The following LBP variants were observed in gnomAD, a reference collection of about 807,000 sequenced individuals.
LBP encodes lipopolysaccharide binding protein.
Under a neutral mutation model 56.6 loss-of-function variants are expected in LBP, and 53 were observed. That is an observed-to-expected ratio of 0.94 (90% confidence interval 0.75 to 1.18). The LOEUF is 1.18. Among genes scored for constraint, LBP ranks in the 50% most tolerant of loss-of-function variants. The pLI is 0.00. For missense variants in LBP, 601 were observed against 598.3 expected, an observed-to-expected ratio of 1.00 and a Z score of -0.05; for synonymous variants, 227 against 247.5, an observed-to-expected ratio of 0.92 and a Z score of 0.78.
rs183211709 is a variant in LBP at position 38,347,874 on chromosome 20, T to G, written c.124+1234T>G. Among the ~76,000 whole-genome samples the G allele has an allele frequency of 5.3e-5, 8 of 152,278 alleles. No individual in the cohort carries two copies. In the East Asian group the frequency reaches 1.5e-3, roughly 29 times the overall value. Reference sequence around the variant, plus strand: ...CTGACCACATGTCTTCTCACATCCCTAGAGCCTCAATTGCCTTACCTATTA... The same window carrying G: ...CTGACCACATGTCTTCTCACATCCCGAGAGCCTCAATTGCCTTACCTATTA... On this transcript the variant is annotated intron_variant, in intron 1 of 14. Transcript: ENST00000217407.
chr20:38,357,790 C>T (rs886832370), intron 5 of LBP, among the ~76,000 whole-genome samples: 2 of 152,092 alleles, frequency 1.3e-5, no homozygotes, highest in African/African-American at 2.4e-5. Flanking sequence ...TGGAAAGGGG[C>T]GAGGACTTCC....
chr20:38,349,409 G>T, intron 1 of LBP, 139 bp from the exon 2 acceptor site: 1 of 678,070 alleles, frequency 1.5e-6, no homozygotes, highest in Non-Finnish European at 2.6e-6. Flanking sequence ...ACACAGAGGG[G>T]CTCATATCCT....
At position 38,350,859 on chromosome 20, in the gene LBP, C is replaced by T. The variant is rs1453003857; in HGVS notation, c.288C>T (p.Val96=). The T allele has an allele frequency of 6.2e-7, 1 of 1,613,868 alleles. No individual in the cohort carries two copies. The highest frequency in any genetic ancestry group is 1.6e-4 in the Middle Eastern group (1 of 6,080). ...CELLHSALRP[V]PGQGLSLSIS... is the part of the protein sequence containing the mutation. ...TGCTTCACTCTGCGCTGAGGCCTGT[C>T]CCTGGCCAGGGCCTGAGTCTCAGCA... The change falls in exon 3 of 15, where the codon GTC becomes GTT. Residue 96 remains valine (V), a synonymous_variant. Coordinates refer to ENST00000217407, the MANE Select transcript of LBP (RefSeq NM_004139.5).
In LBP at chr20:38,372,421, G is replaced by A. The variant is rs192351824; in HGVS notation, c.1261-651G>A. On this transcript the variant is annotated intron_variant, in intron 12 of 14. Transcript: ENST00000217407. ...TGGTGCACTCATATTGTATCTGTGC[G>A]TGTTTACTGCAAAGTAAAACATTCA... Among the ~76,000 whole-genome samples the A allele has an allele frequency of 1.1e-3, 171 of 152,298 alleles. 1 individual carries two copies. Among genetic ancestry groups the A allele is most frequent in the African/African-American group, 3.9e-3 (162 of 41,546 alleles).
At chr20:38,356,299 CT>C (rs2076839529) in intron 5 of LBP, among the ~76,000 whole-genome samples, 1 of 138,594 alleles carries the variant, frequency 7.2e-6, no homozygotes, top group Non-Finnish European at 1.6e-5. Flanking sequence ...CACACACACC[CT>C]ACACACACAA....
chr20:38,353,490 T>C (rs900199439), intron 3 of LBP, among the ~76,000 whole-genome samples: 15 of 144,100 alleles, frequency 1.0e-4, no homozygotes, highest in Middle Eastern at 3.5e-3. Flanking sequence ...TTTTTTTTTT[T>C]TTTTTTTTTT....
chr20:38,350,610 C>T (rs1232012737), intron 2 of LBP, among the ~76,000 whole-genome samples: 1 of 152,212 alleles, frequency 6.6e-6, no homozygotes, highest in Non-Finnish European at 1.5e-5. Context: ...CACTGCTGAC[C>T]CCTTCAGTGT....
At chr20:38,359,788 C>T (rs1235550259) in intron 5 of LBP, among the ~76,000 whole-genome samples, 1 of 152,128 alleles carries the variant, frequency 6.6e-6, no homozygotes, top group Non-Finnish European at 1.5e-5. Flanking sequence ...GTGGCAAGTA[C>T]AGCCAACAAG....
Position 38,374,594 on chromosome 20 carries a change from C to CA in LBP, c.1401+595dup, listed in dbSNP as rs562385988. On this transcript the variant is annotated intron_variant, in intron 14 of 14. Coordinates refer to ENST00000217407, the MANE Select transcript of LBP (RefSeq NM_004139.5). ...CCTGGGCAACAGAGCAACACTCCGT[C>CA]AAAAAAAAAAAAAAGAAAGAAAAAA... is the stretch of plus-strand genomic sequence containing the variant. 6.8e-3 allele frequency among the ~76,000 whole-genome samples: 582 copies of CA among 86,148 alleles called. 4 individuals are homozygous for CA. Among genetic ancestry groups the CA allele is most frequent in the African/African-American group, 0.019 (434 of 22,802 alleles). The allele number at this position is 86,148 out of a possible 152,430, so 56.5% of individuals were successfully genotyped here. A position where few individuals can be genotyped will look rare whatever the true frequency, so the allele number is the denominator to read the frequency against.
chr20:38,373,855 G>C, intron 13 of LBP, 82 bp from the exon 14 acceptor site: 1 of 1,194,928 alleles, frequency 8.4e-7, no homozygotes, highest in Non-Finnish European at 1.2e-6. Flanking sequence ...TATAGAGTTT[G>C]CAGAGAACAT....
At chr20:38,375,802 G>C (rs1802479296) in intron 14 of LBP, among the ~76,000 whole-genome samples, 1 of 152,100 alleles carries the variant, frequency 6.6e-6, no homozygotes, top group Admixed American at 6.5e-5. Context: ...CGCTGTGCCT[G>C]GTACATTGTT....
At chr20:38,368,672 GA>G (rs1160083407) in intron 9 of LBP, among the ~76,000 whole-genome samples, 1 of 152,174 alleles carries the variant, frequency 6.6e-6, no homozygotes, top group African/African-American at 2.4e-5. Flanking sequence ...ATGTTTTCCT[GA>G]AAAGAATAGC....
chr20:38,362,634 A>G (rs747776015), intron 6 of LBP, among the ~76,000 whole-genome samples: 9 of 151,200 alleles, frequency 6.0e-5, no homozygotes, highest in Non-Finnish European at 1.2e-4. Context: ...AAAATAATAA[A>G]TAATAAATAA....
At chr20:38,348,725 T>G (rs1464639687) in intron 1 of LBP, among the ~76,000 whole-genome samples, 2 of 150,898 alleles carry the variant, frequency 1.3e-5, no homozygotes, top group African/African-American at 4.9e-5. Flanking sequence ...CTTTGCAGTT[T>G]CAATGGCATG....
intron 5 of LBP, among the ~76,000 whole-genome samples, chr20:38,360,272 A>C (rs1404511907): frequency 6.6e-6 from 1 of 152,042 alleles, no homozygotes; most frequent in Non-Finnish European, 1.5e-5. Flanking sequence ...AAAAAAAAAA[A>C]AACAAAAAAA....
intron 4 of LBP, among the ~76,000 whole-genome samples, chr20:38,354,985 G>A (rs1009544517): frequency 3.3e-5 from 5 of 152,248 alleles, no homozygotes; most frequent in African/African-American, 7.2e-5. Context: ...CAGGGGCTGA[G>A]TTGGGAGGAT....
intron 5 of LBP, 128 bp from the exon 6 acceptor site, chr20:38,360,576 C>A: frequency 1.5e-6 from 1 of 654,402 alleles, no homozygotes. Flanking sequence ...TCATGACAAG[C>A]ACTTATAAAT....
intron 10 of LBP, 62 bp downstream of exon 10, chr20:38,369,224 C>T: frequency 6.7e-7 from 1 of 1,502,706 alleles, no homozygotes; most frequent in African/African-American, 1.4e-5. Context: ...CCCTTTTCCC[C>T]ACATGCTTTT....
Sources: gnomAD v4.1 joint callset for allele counts (sites outside exome capture counted in the v4.1 genomes callset) on GRCh38, gnomAD v4.1.1 for gene constraint, MANE v1.5 for transcripts, NCBI Gene and HGNC (gene_info 2026-07-23, HGNC 2026-07-21) for gene names.